Variants in LARP4B observed in about 807,000 individuals in gnomAD.
The protein encoded by LARP4B is La ribonucleoprotein 4B.
A neutral mutation model predicts 89.8 loss-of-function variants in LARP4B; 12 were observed. That is an observed-to-expected ratio of 0.13 (90% CI 0.09 to 0.22). The LOEUF (loss-of-function observed/expected upper bound fraction) is 0.22, where lower values mean the gene tolerates loss of function less well. Among genes scored for constraint, LARP4B ranks in the 10% least tolerant of loss-of-function variants. The pLI, the probability that LARP4B is intolerant of heterozygous loss-of-function variation, is 1.00. For missense variants in LARP4B, 757 were observed against 947.7 expected (o/e 0.80, Z 2.64); for synonymous variants, 367 against 363.3 (o/e 1.01, Z -0.12).
chr10:864,971 A>C (rs139641068), intron 3 of LARP4B, among the ~76,000 whole-genome samples: 220 of 152,296 alleles, frequency 1.4e-3, no homozygotes, highest in East Asian at 5.8e-3. Flanking sequence ...AGAAAGAAAG[A>C]AAGCTTCAAA....
chr10:934,969 C>G (rs189833250), upstream of LARP4B, among the ~76,000 whole-genome samples: 4 of 152,296 alleles, frequency 2.6e-5, no homozygotes, highest in East Asian at 7.7e-4. Context: ...GCAATGCGAC[C>G]TTCACCGGCT....
chr10:827,051 G>A (rs755098365), intron 11 of LARP4B, among the ~76,000 whole-genome samples: 6 of 152,134 alleles, frequency 3.9e-5, no homozygotes, highest in South Asian at 4.1e-4. Context: ...AAGGGGGGGC[G>A]GATCAAAAGG....
chr10:823,746 G>A (rs1220165160), intron 13 of LARP4B, among the ~76,000 whole-genome samples: 3 of 151,894 alleles, frequency 2.0e-5, no homozygotes, highest in Admixed American at 2.0e-4. Flanking sequence ...TGGGTCTTAA[G>A]AACCCCAAAC....
Position 812,938 on chromosome 10 carries a change from C to T in LARP4B, c.2205G>A (p.Lys735=). The T allele has an allele frequency of 6.5e-7, 1 of 1,545,052 alleles. No homozygotes were observed. The highest frequency in any genetic ancestry group is 8.7e-7 in the Non-Finnish European group (1 of 1,154,660). Residue 735 remains lysine (K), a synonymous_variant, in exon 18 of 18, where the codon AAG becomes AAA. Coordinates refer to ENST00000316157, the MANE Select transcript of LARP4B (RefSeq NM_015155.3). ...RLSREQSTPP[K]SPQ ...AGACGTACGGTTTTCACTGAGGAGA[C>T]TTGGGGGGAGTGCTCTGCTCTCGGC...
chr10:929,664 T>G (rs540636212), intron 1 of LARP4B, among the ~76,000 whole-genome samples: 1 of 152,280 alleles, frequency 6.6e-6, no homozygotes, highest in Admixed American at 6.5e-5. Context: ...CATGTTTGTG[T>G]TACAACAGTC....
chr10:926,237 T>C (rs956593121), intron 1 of LARP4B, among the ~76,000 whole-genome samples: 1 of 152,348 alleles, frequency 6.6e-6, no homozygotes, highest in East Asian at 1.9e-4. Flanking sequence ...AACACAAAGG[T>C]ACACTTAGTT....
chr10:851,974 G>C lies in LARP4B; in HGVS notation c.431-6919C>G, dbSNP rs12250313. On this transcript the variant is annotated intron_variant, in intron 5 of 17. Transcript: ENST00000316157. ...CCAGCTACTTGGGAGGCTAAGGCGG[G>C]AGAATCGCCTGAGACCGGGAGGTTG... is the stretch of plus-strand genomic sequence containing the variant. 5.8e-3 allele frequency among the ~76,000 whole-genome samples: 879 copies of C among 152,288 alleles called. 15 individuals carry two copies. The highest frequency in any genetic ancestry group is 0.02 in the African/African-American group (840 of 41,552).
chr10:954,194 G>A, the LARP4B span, among the ~76,000 whole-genome samples: 1 of 152,138 alleles, frequency 6.6e-6, no homozygotes, highest in African/African-American at 2.4e-5. This position sits in a 1 kb window ranked among gnomAD's most constrained non-coding sequence, Gnocchi z 5.0. Context: ...CTGCAAAGTC[G>A]AGACCACCTA....
intron 5 of LARP4B, among the ~76,000 whole-genome samples, chr10:846,214 A>G (rs1157629602): frequency 2.0e-5 from 3 of 152,244 alleles, no homozygotes; most frequent in South Asian, 4.1e-4. Flanking sequence ...TCCAAGTGCC[A>G]GGCACTACTG....
chr10:867,712 T>C (rs1461609614), intron 3 of LARP4B, among the ~76,000 whole-genome samples: 1 of 151,774 alleles, frequency 6.6e-6, no homozygotes, highest in African/African-American at 2.4e-5. Flanking sequence ...AATACAAAAG[T>C]TAGCTGGGTG....
intron 13 of LARP4B, among the ~76,000 whole-genome samples, chr10:823,033 CAAG>C (rs1162377622): frequency 6.6e-6 from 1 of 152,208 alleles, no homozygotes; most frequent in Non-Finnish European, 1.5e-5. Flanking sequence ...TCAGGGCAAG[CAAG>C]GCCTGGCACA....
chr10:907,210 G>A (rs1213219950), intron 1 of LARP4B, among the ~76,000 whole-genome samples: 2 of 152,172 alleles, frequency 1.3e-5, no homozygotes, highest in African/African-American at 4.8e-5. Flanking sequence ...CCCTAACACA[G>A]TACCTAAACG....
chr10:826,723 T>C (rs1416782545), intron 11 of LARP4B, among the ~76,000 whole-genome samples: 1 of 152,190 alleles, frequency 6.6e-6, no homozygotes, highest in Non-Finnish European at 1.5e-5. Flanking sequence ...GGGCACTTAG[T>C]TCCTGAGGGC....
chr10:893,184 G>A (rs1421797207), intron 1 of LARP4B, among the ~76,000 whole-genome samples: 3 of 151,978 alleles, frequency 2.0e-5, no homozygotes, highest in Non-Finnish European at 4.4e-5. Context: ...AAAGTGCTGG[G>A]ATTACAGGAG....
At chr10:881,568 G>C (rs191424587) in intron 3 of LARP4B, among the ~76,000 whole-genome samples, 1 of 152,152 alleles carries the variant, frequency 6.6e-6, no homozygotes, top group African/African-American at 2.4e-5. Flanking sequence ...TGAGGGAATC[G>C]AGAGTTTCAT....
At chr10:955,871 C>T in the LARP4B span, among the ~76,000 whole-genome samples, 5 of 152,128 alleles carry the variant, frequency 3.3e-5, no homozygotes, top group Non-Finnish European at 5.9e-5. The surrounding 1 kb of genome is among the most constrained non-coding windows in gnomAD (Gnocchi z 5.2). Context: ...GGAAACCTGG[C>T]CTTGAGTTCC....
intron 1 of LARP4B, among the ~76,000 whole-genome samples, chr10:911,681 C>T (rs564546022): frequency 2.6e-5 from 4 of 152,274 alleles, no homozygotes; most frequent in East Asian, 1.9e-4. Flanking sequence ...ACACTCACCC[C>T]CTTCTGGAAG....
chr10:903,432 C>A (rs1242118845), intron 1 of LARP4B: 1 of 152,210 alleles, frequency 6.6e-6, no homozygotes, highest in Non-Finnish European at 1.5e-5. Flanking sequence ...TATCTTACTG[C>A]ACGGCTTTAA....
At chr10:862,256 TAAAAAAA>T (rs10661482) in intron 5 of LARP4B, among the ~76,000 whole-genome samples, 4 of 84,396 alleles carry the variant, frequency 4.7e-5, no homozygotes, top group Admixed American at 4.1e-4. Flanking sequence ...CCACTGAAGT[TAAAAAAA>T]AAAAAAAAAA....
Sources: allele counts gnomAD v4.1 joint callset (sites outside exome capture counted in the v4.1 genomes callset), GRCh38; gene constraint gnomAD v4.1.1; non-coding constraint Gnocchi (gnomAD v3.1); transcripts MANE v1.5; gene names NCBI Gene and HGNC (gene_info 2026-07-23, HGNC 2026-07-21).